KLK6: variants seen among roughly 807,000 people sequenced by gnomAD.
KLK6 encodes the protein kallikrein-6.
Under a neutral mutation model 21.7 loss-of-function variants are expected in KLK6, and 16 were observed. The ratio of observed to expected loss-of-function variants is 0.74; its 90% CI spans 0.50 to 1.12. The LOEUF (loss-of-function observed/expected upper bound fraction) is 1.12, where lower values mean the gene tolerates loss of function less well. Ranked by LOEUF, KLK6 falls within the 50% of genes most tolerant of loss-of-function variation. The pLI is 0.00. For synonymous variants in KLK6, 116 were observed against 120.1 expected (o/e 0.97, Z 0.22); for missense variants, 276 against 304.6 (o/e 0.91, Z 0.70).
At chr19:50,961,945 C>A in intron 5 of KLK6, 65 bp from the exon 6 acceptor site, 2 of 1,474,884 alleles carry the variant, frequency 1.4e-6, no homozygotes, top group South Asian at 1.3e-5. Context: ...TCCCCAGTCA[C>A]CCCCCAACCC....
At chr19:50,960,714 T>TC (rs1205520935) in intron 6 of KLK6, among the ~76,000 whole-genome samples, 2 of 152,034 alleles carry the variant, frequency 1.3e-5, no homozygotes, top group Non-Finnish European at 1.5e-5. Flanking sequence ...AGCCTCAGCC[T>TC]CCCGAGTAGC....
intron 4 of KLK6, among the ~76,000 whole-genome samples, chr19:50,965,596 A>C (rs538529337): frequency 6.6e-6 from 1 of 152,244 alleles, no homozygotes; most frequent in East Asian, 1.9e-4. Flanking sequence ...GCTTGTCTGC[A>C]CCTTTCTGTC....
intron 5 of KLK6, 73 bp from the exon 6 acceptor site, chr19:50,961,953 C>T: frequency 6.7e-7 from 1 of 1,488,364 alleles, no homozygotes; most frequent in Non-Finnish European, 9.0e-7. Context: ...CACCCCCCAA[C>T]CCCTATAAGT....
intron 6 of KLK6, among the ~76,000 whole-genome samples, chr19:50,960,924 C>T (rs1374880081): frequency 1.3e-5 from 2 of 152,170 alleles, no homozygotes; most frequent in Non-Finnish European, 2.9e-5. Flanking sequence ...TGCCACCACG[C>T]CCAGCTAATT....
At chr19:50,963,936 A>G (rs973141640) in intron 4 of KLK6, among the ~76,000 whole-genome samples, 5 of 152,108 alleles carry the variant, frequency 3.3e-5, no homozygotes, top group Admixed American at 2.0e-4. Context: ...AACCAGAGAT[A>G]TTTTAACAAT....
intron 5 of KLK6, 47 bp from the exon 6 acceptor site, chr19:50,961,927 C>T (rs1340552741): frequency 5.0e-6 from 8 of 1,589,558 alleles, no homozygotes; most frequent in South Asian, 4.6e-5. Flanking sequence ...CTTGCACTCC[C>T]CTCATCCTCC....
At chr19:50,968,688 G>A (rs1361577464) in intron 1 of KLK6, 97 bp from the exon 2 acceptor site, 3 of 160,962 alleles carry the variant, frequency 1.9e-5, no homozygotes, top group Admixed American at 6.0e-5. Context: ...AGGACGCAGG[G>A]GCCGCAGAGC....
intron 2 of KLK6, 99 bp downstream of exon 2, chr19:50,968,442 T>C: frequency 2.5e-6 from 1 of 397,470 alleles, no homozygotes; most frequent in Non-Finnish European, 4.7e-6. Context: ...GGCCCTAGCG[T>C]TCTTCCTCTG....
chr19:50,967,920 T>A (rs2122175876), intron 3 of KLK6, 145 bp downstream of exon 3: 5 of 313,288 alleles, frequency 1.6e-5, no homozygotes, highest in Middle Eastern at 3.9e-4. Flanking sequence ...TTCCCCACCC[T>A]TAGCCTAATC....
chr19:50,968,332 T>A (rs1475520374), intron 2 of KLK6: 2 of 605,318 alleles, frequency 3.3e-6, no homozygotes, highest in Non-Finnish European at 6.0e-6. Context: ...CAGAACTACG[T>A]CCACTGGTCC....
chr19:50,961,132 C>T (rs2090835143), intron 6 of KLK6, among the ~76,000 whole-genome samples: 1 of 11,620 alleles, frequency 8.6e-5, no homozygotes, highest in Non-Finnish European at 1.7e-4. Flanking sequence ...ACTCCTGACC[C>T]CAGGTGATCC....
intron 2 of KLK6, 54 bp from the exon 3 acceptor site, chr19:50,968,166 C>T (rs752120909): frequency 6.7e-7 from 1 of 1,503,396 alleles, no homozygotes; most frequent in Non-Finnish European, 9.3e-7. Context: ...CTCCCCCCAT[C>T]CCTCTGTCTG....
intron 4 of KLK6, among the ~76,000 whole-genome samples, chr19:50,965,755 T>C (rs1430148007): frequency 6.6e-6 from 1 of 152,216 alleles, no homozygotes; most frequent in Admixed American, 6.5e-5. Context: ...CAAGGTCTCC[T>C]TGGGGTCAGG....
chr19:50,964,357 T>C (rs2090893861), intron 4 of KLK6, among the ~76,000 whole-genome samples: 1 of 152,198 alleles, frequency 6.6e-6, no homozygotes, highest in South Asian at 2.1e-4. Flanking sequence ...AGAGAACCTA[T>C]CACAATCATC....
intron 6 of KLK6, among the ~76,000 whole-genome samples, chr19:50,960,111 GGATGGAGA>G (rs2090816331): frequency 2.2e-5 from 2 of 89,656 alleles, no homozygotes; most frequent in African/African-American, 4.4e-5. Context: ...AGGGGGAGGA[GGATGGAGA>G]GGGGGAGGAG....
intron 6 of KLK6, 87 bp from the exon 7 acceptor site, chr19:50,959,403 GT>G: frequency 2.5e-6 from 3 of 1,183,734 alleles, no homozygotes; most frequent in Non-Finnish European, 2.4e-6. Flanking sequence ...GTGTGTGTGT[GT>G]GTGTGACAGA....
intron 6 of KLK6, among the ~76,000 whole-genome samples, chr19:50,959,984 C>G (rs146142500): frequency 4.8e-4 from 16 of 33,134 alleles, no homozygotes; most frequent in Admixed American, 1.3e-3. Flanking sequence ...AAGAGGAGAA[C>G]GAGGAGGAGG....
rs149276281 is a variant in KLK6 at position 50,964,915 on chromosome 19, C to T, written c.198-1366G>A. 5.9e-5 allele frequency among the ~76,000 whole-genome samples: 9 copies of T among 152,346 alleles called. No homozygotes were observed. In the East Asian group the frequency reaches 1.7e-3, roughly 29 times the overall value. On this transcript the variant is annotated intron_variant, in intron 4 of 6. Transcript: ENST00000310157. Reference sequence around the variant, plus strand: ...TGAGAATACTCAAGACGGTTCTCACCTCAGGGGTGTTATCACAGCCTTTCC... The same window carrying T: ...TGAGAATACTCAAGACGGTTCTCACTTCAGGGGTGTTATCACAGCCTTTCC...
chr19:50,962,335 G>GA (rs1305155095), intron 5 of KLK6: 2 of 156,818 alleles, frequency 1.3e-5, no homozygotes, highest in Admixed American at 1.3e-4. Flanking sequence ...GTCACTCTGT[G>GA]ACCATTGGTC....
Sources: allele counts gnomAD v4.1 joint callset (sites outside exome capture counted in the v4.1 genomes callset), GRCh38; gene constraint gnomAD v4.1.1; transcripts MANE v1.5; gene names NCBI Gene and HGNC (gene_info 2026-07-23, HGNC 2026-07-21).